The following ABR variants were observed in gnomAD, a reference collection of about 807,000 sequenced individuals.
ABR encodes the protein active breakpoint cluster region-related protein.
A neutral mutation model predicts 107.2 loss-of-function variants in ABR; 35 were observed. The observed-to-expected ratio is 0.33, with a 90% CI of 0.25 to 0.43. ABR has a LOEUF of 0.43. Among genes scored for constraint, ABR ranks in the 20% least tolerant of loss-of-function variants. ABR has a pLI of 1.00. For missense variants in ABR, 815 were observed against 1,115.2 expected (o/e 0.73, Z 3.83); for synonymous variants, 498 against 462.0 (o/e 1.08, Z -1.00).
intron 1 of ABR, among the ~76,000 whole-genome samples, chr17:1,143,045 G>C (rs1383541464): frequency 1.6e-5 from 2 of 127,086 alleles, no homozygotes; most frequent in Non-Finnish European, 3.4e-5. Flanking sequence ...TCATTCCTGG[G>C]GGGCAGCTCG....
At chr17:1,111,554 GC>G (rs34982897) in intron 2 of ABR, among the ~76,000 whole-genome samples, 1 of 151,974 alleles carries the variant, frequency 6.6e-6, no homozygotes, top group Admixed American at 6.6e-5. Flanking sequence ...TGCTTCAAAG[GC>G]CCCCCCAAAC....
intron 2 of ABR, among the ~76,000 whole-genome samples, chr17:1,116,555 T>G (rs1306390565): frequency 6.6e-6 from 1 of 152,070 alleles, no homozygotes; most frequent in Non-Finnish European, 1.5e-5. Context: ...ATTAACAGTA[T>G]GCAGAGGTGA....
chr17:1,058,134 ATCT>A, intron 11 of ABR, 89 bp from the exon 12 acceptor site: 1 of 471,542 alleles, frequency 2.1e-6, no homozygotes, highest in Non-Finnish European at 3.4e-6. Flanking sequence ...AGCTCCTTTT[ATCT>A]TTTTTTTTTT....
intron 16 of ABR, among the ~76,000 whole-genome samples, chr17:1,025,345 TAAAC>T (rs145757599): frequency 1.8e-3 from 276 of 151,974 alleles, no homozygotes; most frequent in African/African-American, 6.2e-3. Flanking sequence ...AATAAATAAA[TAAAC>T]AGTGTGAATA....
At chr17:1,130,443 C>T (rs1227151499) in intron 1 of ABR, among the ~76,000 whole-genome samples, 1 of 151,880 alleles carries the variant, frequency 6.6e-6, no homozygotes, top group South Asian at 2.1e-4. Flanking sequence ...AGCCGGGTCA[C>T]AAATCAGACC....
intron 2 of ABR, among the ~76,000 whole-genome samples, chr17:1,105,740 G>T (rs1311527874): frequency 6.6e-6 from 1 of 152,120 alleles, no homozygotes; most frequent in Admixed American, 6.5e-5. Flanking sequence ...CAACGTGGTG[G>T]CATGTGCCTG....
At chr17:1,035,876 C>T (rs2073149486) in intron 16 of ABR, among the ~76,000 whole-genome samples, 1 of 150,948 alleles carries the variant, frequency 6.6e-6, no homozygotes, top group South Asian at 2.1e-4. Flanking sequence ...GGTCATGCCA[C>T]CCAGCACAGC....
intron 1 of ABR, among the ~76,000 whole-genome samples, chr17:1,197,433 T>C (rs1234979498): frequency 6.6e-6 from 1 of 151,608 alleles, no homozygotes; most frequent in Non-Finnish European, 1.5e-5. Flanking sequence ...CTCTGGCTCC[T>C]GACCGGTCAT....
intron 1 of ABR, among the ~76,000 whole-genome samples, chr17:1,141,641 A>G (rs1049907694): frequency 1.3e-5 from 2 of 152,140 alleles, no homozygotes; most frequent in African/African-American, 4.8e-5. Flanking sequence ...CCCTTAAAAA[A>G]CAAACCAGGG....
At chr17:1,222,655 T>C (rs2043139549) in intron 1 of ABR, among the ~76,000 whole-genome samples, 1 of 152,194 alleles carries the variant, frequency 6.6e-6, no homozygotes, top group Non-Finnish European at 1.5e-5. Flanking sequence ...CTCATATCTG[T>C]AATCTCAGCA....
At chr17:1,221,000 GTTAT>G (rs1199209551) in intron 1 of ABR, among the ~76,000 whole-genome samples, 3 of 151,962 alleles carry the variant, frequency 2.0e-5, no homozygotes, top group African/African-American at 7.3e-5. Flanking sequence ...TGGCTCCGTT[GTTAT>G]TTGTTTACTG....
intron 1 of ABR, among the ~76,000 whole-genome samples, chr17:1,137,824 C>T (rs910503881): frequency 3.3e-5 from 5 of 152,060 alleles, no homozygotes; most frequent in Non-Finnish European, 5.9e-5. Flanking sequence ...TGCCGTAAAG[C>T]GAGGTATGCC....
At chr17:1,211,287 G>GAATAAATA (rs149944140) in intron 1 of ABR, among the ~76,000 whole-genome samples, 1 of 151,616 alleles carries the variant, frequency 6.6e-6, no homozygotes, top group African/African-American at 2.4e-5. Flanking sequence ...TCAAAAAAAT[G>GAATAAATA]AATAAATAAA....
intron 1 of ABR, among the ~76,000 whole-genome samples, chr17:1,159,207 G>T (rs190779797): frequency 6.6e-6 from 1 of 151,980 alleles, no homozygotes; most frequent in Non-Finnish European, 1.5e-5. Flanking sequence ...AGAAGAATGC[G>T]GTACTCACAT....
rs142466290 is a variant in ABR at position 1,054,304 on chromosome 17, G to A, written c.1561+1731C>T. On this transcript the variant is annotated intron_variant, in intron 14 of 22. Transcript: ENST00000302538. ...CACGGTAGGTGCTGTGTAAATTAAC[G>A]ACTTCATTCCACATTTCTGAGCTCC... Among the ~76,000 whole-genome samples, 986 of 152,290 alleles carry A rather than the reference G, an allele frequency of 6.5e-3. 13 individuals carry two copies. The highest frequency in any genetic ancestry group is 0.022 in the African/African-American group (914 of 41,552).
rs138366553 is a variant in ABR, at chr17:1,043,465, G to A, written c.1791+6585C>T. On this transcript the variant is annotated intron_variant, in intron 16 of 22. Coordinates refer to ENST00000302538, the MANE Select transcript of ABR (RefSeq NM_021962.5). Reference sequence around the variant, plus strand: ...ATTACAGGCGTGAGCCACCGCGCCCGGCCCCTAAAATTTATTAAAATGGTA... The same window carrying A: ...ATTACAGGCGTGAGCCACCGCGCCCAGCCCCTAAAATTTATTAAAATGGTA... Among the ~76,000 whole-genome samples the A allele has an allele frequency of 3.5e-3, 512 of 148,386 alleles. 5 individuals carry two copies. The highest frequency in any genetic ancestry group is 0.012 in the African/African-American group (480 of 40,612).
intron 1 of ABR, among the ~76,000 whole-genome samples, chr17:1,135,398 CAG>C (rs2040018731): frequency 7.6e-6 from 1 of 131,622 alleles, no homozygotes; most frequent in African/African-American, 2.9e-5. Context: ...TTTTTTGAGA[CAG>C]AGTTTCACTC....
chr17:1,208,902 A>AG (rs2042850532), intron 1 of ABR, among the ~76,000 whole-genome samples: 1 of 152,086 alleles, frequency 6.6e-6, no homozygotes, highest in East Asian at 1.9e-4. Flanking sequence ...AAAAAAAAAA[A>AG]AAGCCTGCTT....
At chr17:1,102,809 C>G (rs1416605022) in intron 2 of ABR, among the ~76,000 whole-genome samples, 1 of 152,208 alleles carries the variant, frequency 6.6e-6, no homozygotes, top group Non-Finnish European at 1.5e-5. Flanking sequence ...CTCCCAGGTT[C>G]AAGCGATTCT....
Sources: gnomAD v4.1 joint callset for allele counts (sites outside exome capture counted in the v4.1 genomes callset) on GRCh38, gnomAD v4.1.1 for gene constraint, MANE v1.5 for transcripts, NCBI Gene and HGNC (gene_info 2026-07-23, HGNC 2026-07-21) for gene names.